Variants in CLEC16A observed in about 807,000 individuals in gnomAD.
The protein encoded by CLEC16A is C-type lectin domain containing 16A, also known as protein CLEC16A.
Under a neutral mutation model 109.5 loss-of-function variants are expected in CLEC16A, and 51 were observed. That is an observed-to-expected ratio of 0.47 (90% CI 0.37 to 0.59). The LOEUF is 0.59. Among genes scored for constraint, CLEC16A ranks in the 20% least tolerant of loss-of-function variants. CLEC16A has a pLI of 0.00. For synonymous variants in CLEC16A, 673 were observed against 564.2 expected, an observed-to-expected ratio of 1.19 and a Z score of -2.73; for missense variants, 1,339 against 1,394.0, an observed-to-expected ratio of 0.96 and a Z score of 0.63.
intron 22 of CLEC16A, among the ~76,000 whole-genome samples, chr16:11,144,265 G>A (rs1381217506): frequency 6.6e-6 from 1 of 152,176 alleles, no homozygotes; most frequent in African/African-American, 2.4e-5. Flanking sequence ...CTCTTGGGGC[G>A]TCCCTGCAGC....
chr16:11,008,581 G>A (rs2045187783), intron 11 of CLEC16A, among the ~76,000 whole-genome samples: 1 of 152,040 alleles, frequency 6.6e-6, no homozygotes, highest in African/African-American at 2.4e-5. Context: ...TGGACAACAA[G>A]TGGAAAGATG....
At chr16:11,013,119 T>C (rs1180893668) in intron 11 of CLEC16A, among the ~76,000 whole-genome samples, 1 of 152,186 alleles carries the variant, frequency 6.6e-6, no homozygotes, top group Non-Finnish European at 1.5e-5. Context: ...CAAAAACCCA[T>C]GCAGACATGG....
intron 1 of CLEC16A, among the ~76,000 whole-genome samples, chr16:10,945,272 G>C (rs1430343061): frequency 6.6e-6 from 1 of 152,178 alleles, no homozygotes; most frequent in East Asian, 1.9e-4. Flanking sequence ...ATTGTGTTGA[G>C]AGTTGGTTGG....
intron 1 of CLEC16A, among the ~76,000 whole-genome samples, chr16:10,950,918 G>T (rs1007648308): frequency 1.3e-5 from 2 of 152,234 alleles, no homozygotes; most frequent in African/African-American, 4.8e-5. Context: ...TGAAGGAGGA[G>T]CATCCTAATA....
chr16:11,065,997 C>T (rs886290487), intron 19 of CLEC16A, among the ~76,000 whole-genome samples: 15 of 152,270 alleles, frequency 9.9e-5, no homozygotes, highest in African/African-American at 3.4e-4. Flanking sequence ...AAGGGGCCTT[C>T]GAGCTGCACT....
Position 11,103,702 on chromosome 16 carries a change from G to T in CLEC16A, c.2117-16913G>T, listed in dbSNP as rs116029371. On this transcript the variant is annotated intron_variant, in intron 19 of 23. Transcript: ENST00000409790. ...CCCCTGCTGTGGCTCTTGTCCCATGGCATGTAATTGTCACTTCTTTGGGCT... is the reference window on the plus strand; with the variant it reads ...CCCCTGCTGTGGCTCTTGTCCCATGTCATGTAATTGTCACTTCTTTGGGCT... 1.0e-2 allele frequency among the ~76,000 whole-genome samples: 1,520 copies of T among 152,140 alleles called. 25 individuals are homozygous for T. Among genetic ancestry groups the T allele is most frequent in the African/African-American group, 0.035 (1,438 of 41,476 alleles).
Position 11,099,190 on chromosome 16 carries a change from G to A in CLEC16A, c.2117-21425G>A, listed in dbSNP as rs527290304. Among the ~76,000 whole-genome samples the A allele has an allele frequency of 9.2e-5, 14 of 152,306 alleles. No homozygotes were observed. In the South Asian group the frequency reaches 2.1e-3, roughly 23 times the overall value. ...TGGGCCAGGCTGCTTCATGCCACCCGGGTTTGCCAGGACAGGTCATTCTCA... is the reference window on the plus strand; with the variant it reads ...TGGGCCAGGCTGCTTCATGCCACCCAGGTTTGCCAGGACAGGTCATTCTCA... On this transcript the variant is annotated intron_variant, in intron 19 of 23. Transcript: ENST00000409790.
At chr16:11,102,656 C>A (rs1567320540) in intron 19 of CLEC16A, among the ~76,000 whole-genome samples, 1 of 152,206 alleles carries the variant, frequency 6.6e-6, no homozygotes, top group Non-Finnish European at 1.5e-5. Flanking sequence ...GGTCGGTTGC[C>A]CTGACTGAGG....
chr16:10,964,962 C>T (rs2146185671), intron 3 of CLEC16A, among the ~76,000 whole-genome samples: 1 of 152,256 alleles, frequency 6.6e-6, no homozygotes, highest in Admixed American at 6.5e-5. Flanking sequence ...GTAGGATGAC[C>T]TGTAGTCACT....
chr16:11,000,848 T>C (rs1217934782), intron 10 of CLEC16A, among the ~76,000 whole-genome samples: 2 of 152,250 alleles, frequency 1.3e-5, no homozygotes, highest in African/African-American at 4.8e-5. Flanking sequence ...CACATTTCCA[T>C]TTATTGGCAA....
intron 6 of CLEC16A, 25 bp from the exon 7 acceptor site, chr16:10,972,913 T>A: frequency 6.4e-7 from 1 of 1,569,378 alleles, no homozygotes; most frequent in Non-Finnish European, 8.6e-7. Flanking sequence ...GCTTGACTTT[T>A]TTTTTCTTCT....
At chr16:11,112,075 C>G (rs1268999484) in intron 19 of CLEC16A, among the ~76,000 whole-genome samples, 1 of 152,328 alleles carries the variant, frequency 6.6e-6, no homozygotes, top group East Asian at 1.9e-4. Flanking sequence ...TATGAAAAAT[C>G]ACAAGGAGTG....
intron 21 of CLEC16A, among the ~76,000 whole-genome samples, chr16:11,125,642 C>G (rs907462249): frequency 6.6e-6 from 1 of 152,232 alleles, no homozygotes; most frequent in Non-Finnish European, 1.5e-5. Context: ...CTGAAACAGC[C>G]TTTGTCAGGG....
chr16:11,113,634 G>A (rs539785503), intron 19 of CLEC16A, among the ~76,000 whole-genome samples: 2 of 152,274 alleles, frequency 1.3e-5, no homozygotes, highest in South Asian at 4.1e-4. Context: ...ACTCCAGCCT[G>A]GGTGACAGAG....
At chr16:11,128,949 C>G (rs945618705) in intron 22 of CLEC16A, among the ~76,000 whole-genome samples, 9 of 152,194 alleles carry the variant, frequency 5.9e-5, no homozygotes, top group African/African-American at 2.2e-4. Flanking sequence ...CATACCCCTG[C>G]CTCCAGCTTT....
chr16:11,040,532 AGATG>A (rs1369226908), intron 14 of CLEC16A: 1 of 19,824 alleles, frequency 5.0e-5, no homozygotes, highest in African/African-American at 8.0e-4. Context: ...TTTTTTTTTG[AGATG>A]GAGTCTCGCA....
At chr16:10,969,433 G>T (rs1322002584) in intron 4 of CLEC16A, 124 bp downstream of exon 4, 5 of 627,498 alleles carry the variant, frequency 8.0e-6, no homozygotes, top group African/African-American at 2.0e-5. Context: ...TTATATGCTT[G>T]TTATGATTTT....
At position 11,061,491 on chromosome 16, in the gene CLEC16A, C is replaced by G. The variant is rs1279888612; in HGVS notation, c.2116+469C>G. ...AGGCTGGAGAACCACGTGCTCAGCC[C>G]ATAACCTTGAGCTACTTGTTCCGCT... On this transcript the variant is annotated intron_variant, in intron 19 of 23. Coordinates refer to ENST00000409790, the MANE Select transcript of CLEC16A (RefSeq NM_015226.3). 3.9e-5 allele frequency among the ~76,000 whole-genome samples: 6 copies of G among 152,340 alleles called. No homozygotes were observed. The East Asian group carries it at 9.6e-4, about 24-fold the overall frequency.
At chr16:11,056,263 C>T (rs1354710012) in intron 18 of CLEC16A, among the ~76,000 whole-genome samples, 1 of 152,200 alleles carries the variant, frequency 6.6e-6, no homozygotes, top group Non-Finnish European at 1.5e-5. Context: ...CACTCACCCT[C>T]CCGGAACCTC....
Sources: gnomAD v4.1 joint callset for allele counts (sites outside exome capture counted in the v4.1 genomes callset) on GRCh38, gnomAD v4.1.1 for gene constraint, MANE v1.5 for transcripts, NCBI Gene and HGNC (gene_info 2026-07-23, HGNC 2026-07-21) for gene names.